Variants in DLGAP2 observed in about 807,000 individuals in gnomAD.
DLGAP2 encodes DLG associated protein 2, also known as disks large-associated protein 2.
In DLGAP2, 26 loss-of-function variants were observed where a neutral mutation model predicts 100.3. That is an observed-to-expected ratio of 0.26 (90% CI 0.19 to 0.36). The LOEUF (loss-of-function observed/expected upper bound fraction) is 0.36, where lower values mean the gene tolerates loss of function less well. Among genes scored for constraint, DLGAP2 ranks in the 10% least tolerant of loss-of-function variants. The pLI is 1.00. For synonymous variants in DLGAP2, 886 were observed against 630.1 expected (o/e 1.41, Z -6.08); for missense variants, 1,858 against 1,453.2 (o/e 1.28, Z -4.53).
chr8:1,515,023 C>T (rs181568470), intron 4 of DLGAP2, among the ~76,000 whole-genome samples: 20 of 151,150 alleles, frequency 1.3e-4, no homozygotes, highest in African/African-American at 3.4e-4. Context: ...GGAGGGAGAC[C>T]GACGTGCAGG....
intron 3 of DLGAP2, chr8:1,297,111 T>G (rs1460035688): frequency 6.6e-6 from 1 of 152,214 alleles, no homozygotes; most frequent in Non-Finnish European, 1.5e-5. Context: ...TCTCCCTCTT[T>G]GCTGCGTGGT....
chr8:1,027,694 ATTCTCCAGGTGGGGTGTCAGGCGCCCG>A (rs1801847443), intron 2 of DLGAP2, among the ~76,000 whole-genome samples: 3 of 142,886 alleles, frequency 2.1e-5, no homozygotes, highest in Admixed American at 6.9e-5. Context: ...GGCGCCCGTT[ATTCTCCAGGTGGGGTGTCAGGCGCCCG>A]TTATTCTCCA....
At chr8:1,336,373 A>G (rs995095590) in intron 3 of DLGAP2, among the ~76,000 whole-genome samples, 1 of 152,334 alleles carries the variant, frequency 6.6e-6, no homozygotes, top group Admixed American at 6.5e-5. Flanking sequence ...GAGCTGGAGG[A>G]AAAGTGGCGA....
chr8:1,676,516 G>A lies in DLGAP2; in HGVS notation c.2203-17G>A, dbSNP rs758807381. ...CCATGTTTCAGTTCTAAAATAAGAC[G>A]TTCTCTGTTGAATTAGGTGGAAACG... On this transcript the variant is annotated splice_polypyrimidine_tract_variant and intron_variant, in intron 10 of 14. Coordinates refer to ENST00000637795, the MANE Select transcript of DLGAP2 (RefSeq NM_001346810.2). 60 of 1,609,392 alleles carry A rather than the reference G, an allele frequency of 3.7e-5. No homozygotes were observed. The highest frequency in any genetic ancestry group is 1.5e-4 in the Admixed American group (9 of 59,442).
At chr8:1,683,858 G>GTA (rs1563061149) in intron 12 of DLGAP2, among the ~76,000 whole-genome samples, 1 of 26,824 alleles carries the variant, frequency 3.7e-5, no homozygotes, top group South Asian at 1.9e-3. Context: ...ATATATATAT[G>GTA]TGTGTGTGTG....
chr8:1,271,536 T>C (rs1453771549), intron 3 of DLGAP2, among the ~76,000 whole-genome samples: 2 of 152,210 alleles, frequency 1.3e-5, no homozygotes, highest in East Asian at 1.9e-4. Context: ...GAGATAGTTG[T>C]ACATCCGAGA....
chr8:1,382,350 G>A (rs1427646507), intron 3 of DLGAP2, among the ~76,000 whole-genome samples: 3 of 152,242 alleles, frequency 2.0e-5, no homozygotes, highest in African/African-American at 7.2e-5. Flanking sequence ...TCTCAGGGTG[G>A]CAGAGGAGGA....
intron 3 of DLGAP2, among the ~76,000 whole-genome samples, chr8:1,435,331 C>T (rs970193941): frequency 5.9e-5 from 9 of 152,178 alleles, no homozygotes; most frequent in African/African-American, 9.7e-5. Flanking sequence ...CCCACACCGG[C>T]GCTTTGACTA....
Position 1,114,838 on chromosome 8 carries a change from C to T in DLGAP2, c.74-144013C>T, listed in dbSNP as rs535392754. ...CTTTTTGATGTGGCATTTAGTGCTA[C>T]GAATTTTCCTGTTAACACTGCCTTA... On this transcript the variant is annotated intron_variant, in intron 2 of 14. Transcript: ENST00000637795. Among the ~76,000 whole-genome samples, 11 of 152,158 alleles carry T rather than the reference C, an allele frequency of 7.2e-5. No homozygotes were observed. The East Asian group carries it at 7.7e-4, about 11-fold the overall frequency.
intron 2 of DLGAP2, among the ~76,000 whole-genome samples, chr8:1,230,490 C>G (rs1034967403): frequency 6.6e-6 from 1 of 152,096 alleles, no homozygotes; most frequent in Non-Finnish European, 1.5e-5. Context: ...AGTCATTTTT[C>G]ACAGAACTAG....
chr8:1,270,439 T>G (rs1191218436), intron 3 of DLGAP2, among the ~76,000 whole-genome samples: 1 of 152,152 alleles, frequency 6.6e-6, no homozygotes, highest in Non-Finnish European at 1.5e-5. Flanking sequence ...TAAAAATCAT[T>G]TTCAGTATAT....
At chr8:1,557,118 C>T (rs1237188160) in intron 5 of DLGAP2, among the ~76,000 whole-genome samples, 1 of 152,144 alleles carries the variant, frequency 6.6e-6, no homozygotes, top group Non-Finnish European at 1.5e-5. Flanking sequence ...CCACCTACTA[C>T]CTGCCGGAAG....
At chr8:1,494,628 T>G (rs1255957222) in intron 3 of DLGAP2, among the ~76,000 whole-genome samples, 1 of 152,074 alleles carries the variant, frequency 6.6e-6, no homozygotes, top group Admixed American at 6.5e-5. Flanking sequence ...ATTGGGCGTC[T>G]GAGGCAGGAG....
At chr8:1,360,380 G>A (rs1284030473) in intron 3 of DLGAP2, among the ~76,000 whole-genome samples, 4 of 152,084 alleles carry the variant, frequency 2.6e-5, no homozygotes, top group South Asian at 2.1e-4. Context: ...GAGGCTTTGC[G>A]CTGCGTCTGT....
At chr8:745,691 G>A (rs1820601224) in intron 1 of DLGAP2, among the ~76,000 whole-genome samples, 1 of 152,160 alleles carries the variant, frequency 6.6e-6, no homozygotes, top group South Asian at 2.1e-4. Flanking sequence ...TAACAGGATT[G>A]GGTAAATTCA....
rs543032989 is a variant in DLGAP2 at position 1,157,298 on chromosome 8, G to A, written c.74-101553G>A. Among the ~76,000 whole-genome samples the A allele has an allele frequency of 3.9e-5, 6 of 152,282 alleles. No individual in the cohort carries two copies. The East Asian group carries it at 1.2e-3, about 29-fold the overall frequency. On this transcript the variant is annotated intron_variant, in intron 2 of 14. Coordinates refer to ENST00000637795, the MANE Select transcript of DLGAP2 (RefSeq NM_001346810.2). ...GCACAGATGCGGGCTGTGATGTTCA[G>A]AGATGGCCTGCTCAGCCATTTCACC...
At chr8:1,276,745 G>A (rs1470571888) in intron 3 of DLGAP2, among the ~76,000 whole-genome samples, 3 of 152,200 alleles carry the variant, frequency 2.0e-5, no homozygotes, top group South Asian at 2.1e-4. Context: ...TTCTTTAAAT[G>A]TAGTGCTTAT....
intron 3 of DLGAP2, among the ~76,000 whole-genome samples, chr8:1,310,805 C>T (rs1800595670): frequency 6.6e-6 from 1 of 151,948 alleles, no homozygotes; most frequent in Non-Finnish European, 1.5e-5. Context: ...TTACAGGCAC[C>T]CACCACCACA....
At chr8:1,644,361 C>A (rs544220073) in intron 8 of DLGAP2, among the ~76,000 whole-genome samples, 9 of 152,228 alleles carry the variant, frequency 5.9e-5, no homozygotes, top group Non-Finnish European at 1.3e-4. Context: ...GTGACCCGGC[C>A]CCACCAGACG....
Sources: gnomAD v4.1 joint callset for allele counts (sites outside exome capture counted in the v4.1 genomes callset) on GRCh38, gnomAD v4.1.1 for gene constraint, MANE v1.5 for transcripts, NCBI Gene and HGNC (gene_info 2026-07-23, HGNC 2026-07-21) for gene names.